Variants in TMCO1 observed in about 807,000 individuals in gnomAD.
TMCO1 encodes calcium load-activated calcium channel.
A neutral mutation model predicts 29.3 loss-of-function variants in TMCO1; 29 were observed. The ratio of observed to expected loss-of-function variants is 0.99; its 90% CI spans 0.74 to 1.35. The LOEUF is 1.35. TMCO1 is among the 40% of genes most tolerant of loss of function. The probability of loss-of-function intolerance (pLI) is 0.00; values close to 1 mark genes in which losing one functional copy is unlikely to be tolerated. For missense variants in TMCO1, 173 were observed against 225.5 expected (o/e 0.77, Z 1.49); for synonymous variants, 80 against 77.1 (o/e 1.04, Z -0.20).
downstream of TMCO1, chr1:165,725,888 T>A (rs918407287): frequency 3.4e-5 from 19 of 559,996 alleles, no homozygotes; most frequent in African/African-American, 2.8e-4. Flanking sequence ...TTTAAAAAAA[T>A]TTTAATGAAT....
At chr1:165,740,495 G>A (rs978850811) in intron 6 of TMCO1, among the ~76,000 whole-genome samples, 24 of 152,170 alleles carry the variant, frequency 1.6e-4, no homozygotes, top group African/African-American at 5.1e-4. Context: ...GTGAGCCACC[G>A]CGCCTGGCCC....
chr1:165,768,701 G>A lies in TMCO1; in HGVS notation c.51C>T (p.Cys17=). The part of the protein sequence containing the change: ...DTLLIVFISV[C]TALLAEGITW... ...TCTCACCCTCTGCGAGCAGAGCCGT[G>A]CACACAGAGATAAAAACGATGAGGA... Residue 17 remains cysteine (C), a synonymous_variant, in exon 1 of 7, where the codon TGC becomes TGT. Coordinates refer to ENST00000367881, the MANE Select transcript of TMCO1 (RefSeq NM_019026.6). 6.2e-7 allele frequency: 1 copy of A among 1,614,144 alleles called. No individual in the cohort carries two copies. The highest frequency in any genetic ancestry group is 1.6e-4 in the Middle Eastern group (1 of 6,062).
At chr1:165,738,606 T>C (rs1341235197) in intron 6 of TMCO1, among the ~76,000 whole-genome samples, 1 of 152,194 alleles carries the variant, frequency 6.6e-6, no homozygotes, top group African/African-American at 2.4e-5. Flanking sequence ...TGTTAAGGCA[T>C]TTCAGACTGG....
chr1:165,752,251 C>CTTTTTTTTTTTTTTTTTTT lies in TMCO1; in HGVS notation c.256-83_256-82insAAAAAAAAAAAAAAAAAAA, dbSNP rs1558038157. The CTTTTTTTTTTTTTTTTTTT allele has an allele frequency of 4.9e-6, 3 of 608,126 alleles. 1 individual carries two copies. Among genetic ancestry groups the CTTTTTTTTTTTTTTTTTTT allele is most frequent in the Non-Finnish European group, 5.4e-6 (2 of 367,748 alleles). The allele number at this position is 608,126 out of a possible 1,614,324, so 37.7% of individuals were successfully genotyped here. A position where few individuals can be genotyped will look rare whatever the true frequency, so the allele number is the denominator to read the frequency against. On this transcript the variant is annotated intron_variant, in intron 4 of 6. Transcript: ENST00000367881. ...TATCTCAAAAGTTTTGGTTTCATGT[C>CTTTTTTTTTTTTTTTTTTT]ATTTTTTTTTTTTTTTTTTTTGAGG...
chr1:165,728,003 A>C lies in TMCO1; in HGVS notation c.*20T>G. The C allele has an allele frequency of 6.4e-7, 1 of 1,573,664 alleles. No individual in the cohort carries two copies. Among genetic ancestry groups the C allele is most frequent in the Non-Finnish European group, 8.7e-7 (1 of 1,148,266 alleles). ...TGTGTGTGTCTAGAAAGAATGATAG[A>C]AAATAAAGAGTTCTTGAGTTCAAGA... On this transcript the variant is annotated 3_prime_UTR_variant, in exon 7 of 7. Coordinates refer to ENST00000367881, the MANE Select transcript of TMCO1 (RefSeq NM_019026.6).
Position 165,727,493 on chromosome 1 carries a change from C to G in TMCO1, c.*530G>C, listed in dbSNP as rs1405544533. ...TAGTCCTTCCTGGCCCATGCTAAAA[C>G]TTATATCTAGAAATACGGCAAAACA... On this transcript the variant is annotated 3_prime_UTR_variant, in exon 7 of 7. Coordinates refer to ENST00000367881, the MANE Select transcript of TMCO1 (RefSeq NM_019026.6). 3 of 453,582 alleles carry G rather than the reference C, an allele frequency of 6.6e-6. No individual in the cohort carries two copies. The highest frequency in any genetic ancestry group is 1.4e-4 in the East Asian group (2 of 14,382). The allele number at this position is 453,582 out of a possible 1,614,324, so 28.1% of individuals were successfully genotyped here.
chr1:165,729,203 T>C (rs1318830531), intron 6 of TMCO1, among the ~76,000 whole-genome samples: 2 of 151,978 alleles, frequency 1.3e-5, no homozygotes, highest in Non-Finnish European at 2.9e-5. Flanking sequence ...TTCTCCTAAA[T>C]TTTCAGGACC....
At chr1:165,751,430 G>A (rs550066603) in intron 5 of TMCO1, among the ~76,000 whole-genome samples, 27 of 152,134 alleles carry the variant, frequency 1.8e-4, no homozygotes, top group African/African-American at 4.6e-4. Context: ...CTGGCTGGGC[G>A]TGGTGGCTCA....
rs34062484 is a variant in TMCO1 at position 165,735,511 on chromosome 1, A to ATTTTTT, written c.469-7396_469-7391dup. ...AACTCTGCCCCCAAATCTCTGCTTA[A>ATTTTTT]TTTTTTTTTTTTTTTTTTTTGGAGA... is the stretch of plus-strand genomic sequence containing the variant. On this transcript the variant is annotated intron_variant, in intron 6 of 6. Coordinates refer to ENST00000367881, the MANE Select transcript of TMCO1 (RefSeq NM_019026.6). 2.9e-4 allele frequency among the ~76,000 whole-genome samples: 32 copies of ATTTTTT among 110,270 alleles called. 1 individual carries two copies. Among genetic ancestry groups the ATTTTTT allele is most frequent in the African/African-American group, 1.0e-3 (30 of 28,874 alleles). The allele number at this position is 110,270 out of a possible 152,430, so 72.3% of individuals were successfully genotyped here.
At chr1:165,763,779 C>G (rs1652478110) in intron 2 of TMCO1, among the ~76,000 whole-genome samples, 1 of 152,114 alleles carries the variant, frequency 6.6e-6, no homozygotes, top group Admixed American at 6.6e-5. Context: ...ACACATGCCA[C>G]CATGTCAGGC....
chr1:165,725,325 A>T, downstream of TMCO1: 1 of 454,018 alleles, frequency 2.2e-6, no homozygotes, highest in African/African-American at 2.0e-5. Context: ...AATTTTAAGT[A>T]ACTGGCCCCA....
intron 6 of TMCO1, among the ~76,000 whole-genome samples, chr1:165,732,645 A>G (rs1250650770): frequency 1.3e-5 from 2 of 151,758 alleles, no homozygotes; most frequent in South Asian, 2.1e-4. Context: ...AGATTAATCA[A>G]TTGTAACAAA....
At chr1:165,756,840 A>G (rs1652208634) in intron 3 of TMCO1, among the ~76,000 whole-genome samples, 1 of 150,496 alleles carries the variant, frequency 6.6e-6, no homozygotes, top group African/African-American at 2.4e-5. Context: ...AATATATACT[A>G]TATATACAAA....
At chr1:165,768,578 T>G in intron 1 of TMCO1, 104 bp downstream of exon 1, 1 of 1,593,866 alleles carries the variant, frequency 6.3e-7, no homozygotes, top group East Asian at 2.3e-5. Context: ...TAGATGAGCC[T>G]CTCAAGCAAG....
At chr1:165,726,030 GGGTATGAGTGATAGAGT>G, downstream of TMCO1, 1 of 688,278 alleles carries the variant, frequency 1.5e-6, no homozygotes, top group Non-Finnish European at 2.7e-6. Flanking sequence ...CAAAGCCTCA[GGGTATGAGTGATAGAGT>G]GTGCTATATA....
At chr1:165,729,319 C>CTT (rs11298819) in intron 6 of TMCO1, among the ~76,000 whole-genome samples, 1,758 of 133,780 alleles carry the variant, frequency 0.013, 44 homozygotes, top group African/African-American at 0.046. Context: ...TCTCATAATT[C>CTT]TTTTTTTTTT....
In TMCO1 at chr1:165,759,555, ACT is replaced by A; in HGVS notation, c.176_177del (p.Glu59ValfsTer20). Reference protein sequence around the residue: ...KLEKKKETITESAGRQQKKKI... With the variant: ...KLEKKKETITXSAGRQQKKKI... ...TTCTTTTTCTGTTGTCGACCAGCTG[ACT>A]CTGTTATTGTTTCCTTCTTCTTTTC... is the stretch of plus-strand genomic sequence containing the variant. On this transcript the variant is annotated frameshift_variant, in exon 3 of 7. Transcript: ENST00000367881. LOFTEE classifies it high-confidence loss of function. 8 of 1,612,806 alleles carry A rather than the reference ACT, an allele frequency of 5.0e-6. No individual in the cohort carries two copies. The highest frequency in any genetic ancestry group is 5.1e-6 in the Non-Finnish European group (6 of 1,179,362).
chr1:165,743,440 C>T (rs1401159531), intron 5 of TMCO1, 129 bp from the exon 6 acceptor site: 2 of 939,746 alleles, frequency 2.1e-6, no homozygotes, highest in East Asian at 2.6e-5. Flanking sequence ...GAGAGGGTGA[C>T]ATGCTAAAAA....
intron 6 of TMCO1, among the ~76,000 whole-genome samples, chr1:165,741,420 A>C (rs1055211845): frequency 2.6e-5 from 4 of 152,194 alleles, no homozygotes; most frequent in African/African-American, 9.6e-5. Flanking sequence ...GCCAGAAAAT[A>C]TGTGCCAGAA....
Sources: allele counts gnomAD v4.1 joint callset (sites outside exome capture counted in the v4.1 genomes callset), GRCh38; gene constraint gnomAD v4.1.1; transcripts MANE v1.5; gene names NCBI Gene and HGNC (gene_info 2026-07-23, HGNC 2026-07-21).